Variants in PCDHA7 observed in about 807,000 individuals in gnomAD.
The protein encoded by PCDHA7 is protocadherin alpha-7.
PCDHA7 carries 37 observed loss-of-function variants against 57.2 expected under a neutral mutation model. That is an observed-to-expected ratio of 0.65 (90% CI 0.50 to 0.85). PCDHA7 has a LOEUF of 0.85. PCDHA7 is among the 40% of genes least tolerant of loss of function. The probability of loss-of-function intolerance (pLI) is 0.00; values close to 1 mark genes in which losing one functional copy is unlikely to be tolerated. For synonymous variants in PCDHA7, 553 were observed against 558.8 expected (o/e 0.99, Z 0.15); for missense variants, 1,188 against 1,241.8 (o/e 0.96, Z 0.65).
At chr5:140,844,546 A>G (rs1268882110) in intron 1 of PCDHA7, among the ~76,000 whole-genome samples, 2 of 149,518 alleles carry the variant, frequency 1.3e-5, no homozygotes, top group Non-Finnish European at 3.0e-5. Context: ...CCCTTTGTTC[A>G]TGAGTTGGAA....
intron 1 of PCDHA7, chr5:140,871,578 G>A (rs1554165764): frequency 6.8e-7 from 1 of 1,474,340 alleles, no homozygotes; most frequent in Admixed American, 2.6e-5. Context: ...TTTTTTAAGG[G>A]AAAGTTTTAT....
intron 1 of PCDHA7, among the ~76,000 whole-genome samples, chr5:140,961,121 T>A (rs551567804): frequency 6.6e-6 from 1 of 152,330 alleles, no homozygotes; most frequent in African/African-American, 2.4e-5. Context: ...TGCATCTTAA[T>A]GTCTTGGCAC....
Position 140,849,731 on chromosome 5 carries a change from T to C in PCDHA7, c.2355+12993T>C, listed in dbSNP as rs2150447251. 21,072 of 1,598,236 alleles carry C rather than the reference T, an allele frequency of 0.013. 2,656 individuals are homozygous for C. In the African/African-American group the frequency reaches 0.2, roughly 15 times the overall value. ...ACTACTCGTTGGTGCTGGACAGAGC[T>C]CTGGACCGCGAGAGTGTGTCCGCCT... is the stretch of plus-strand genomic sequence containing the variant. On this transcript the variant is annotated intron_variant, in intron 1 of 3. Transcript: ENST00000525929.
At chr5:140,929,207 G>A (rs782298445) in intron 1 of PCDHA7, 6 of 1,614,104 alleles carry the variant, frequency 3.7e-6, no homozygotes, top group East Asian at 2.2e-5. Flanking sequence ...TTGCTGTTGC[G>A]TGGGGAGTAC....
At chr5:140,982,688 ATACATACATGATTTCCT>A in intron 3 of PCDHA7, 125 bp downstream of exon 3, 1 of 1,415,764 alleles carries the variant, frequency 7.1e-7, no homozygotes, top group African/African-American at 1.4e-5. Flanking sequence ...CCTTTTTTCC[ATACATACATGATTTCCT>A]TACATATATG....
chr5:141,002,673 C>T (rs2098090242), intron 3 of PCDHA7, among the ~76,000 whole-genome samples: 3 of 152,180 alleles, frequency 2.0e-5, no homozygotes, highest in Admixed American at 2.0e-4. Context: ...GGACCAAAAC[C>T]TATACGACGT....
At chr5:140,857,314 G>C in intron 1 of PCDHA7, 1 of 1,598,746 alleles carries the variant, frequency 6.3e-7, no homozygotes, top group Non-Finnish European at 8.6e-7. Flanking sequence ...CCTATGAGCT[G>C]GTGGTGACCG....
chr5:140,869,602 C>T (rs2051279273), intron 1 of PCDHA7: 2 of 1,613,922 alleles, frequency 1.2e-6, no homozygotes, highest in Non-Finnish European at 8.5e-7. Flanking sequence ...AGAGAATGCT[C>T]TATTGACCTA....
intron 1 of PCDHA7, among the ~76,000 whole-genome samples, chr5:140,915,667 G>A (rs2077246554): frequency 1.3e-5 from 2 of 149,888 alleles, no homozygotes; most frequent in Admixed American, 1.3e-4. Flanking sequence ...AAGGTGCTGG[G>A]CCATCTTGAA....
chr5:140,969,907 G>A (rs2096367708), intron 1 of PCDHA7, among the ~76,000 whole-genome samples: 1 of 152,204 alleles, frequency 6.6e-6, no homozygotes, highest in Non-Finnish European at 1.5e-5. Context: ...CATGTCACAA[G>A]TGATAAAGCT....
At chr5:140,899,512 G>T (rs4386771) in intron 1 of PCDHA7, among the ~76,000 whole-genome samples, 1 of 152,040 alleles carries the variant, frequency 6.6e-6, no homozygotes, top group African/African-American at 2.4e-5. Flanking sequence ...TGCATATATT[G>T]CATCCCAGGG....
At chr5:140,880,496 A>G (rs965874952) in intron 1 of PCDHA7, among the ~76,000 whole-genome samples, 4 of 152,206 alleles carry the variant, frequency 2.6e-5, no homozygotes, top group African/African-American at 4.8e-5. Flanking sequence ...AGAGCAATTG[A>G]ATTTCTGTTT....
chr5:140,849,825 G>A, intron 1 of PCDHA7: 1 of 1,598,526 alleles, frequency 6.3e-7, no homozygotes, highest in Non-Finnish European at 8.6e-7. Context: ...GGTGTCTGTG[G>A]AGGTGGCCGA....
chr5:140,856,074 G>A, intron 1 of PCDHA7: 1 of 1,592,254 alleles, frequency 6.3e-7, no homozygotes, highest in Non-Finnish European at 8.6e-7. Context: ...AGCTGCCTGG[G>A]GGTCCAGTGT....
intron 1 of PCDHA7, among the ~76,000 whole-genome samples, chr5:140,941,214 CCTTT>C (rs60032403): frequency 6.5e-5 from 8 of 122,492 alleles, no homozygotes; most frequent in Non-Finnish European, 1.2e-4. Context: ...TTTCTTTCTT[CCTTT>C]CTTTCTTTCT....
chr5:140,883,625 C>G (rs1446947181), intron 1 of PCDHA7: 9 of 1,613,872 alleles, frequency 5.6e-6, no homozygotes, highest in Non-Finnish European at 6.8e-6. Context: ...CGACAACGCG[C>G]CGGCGTTCGC....
Position 140,836,744 on chromosome 5 carries a change from T to A in PCDHA7, c.2355+6T>A. The A allele has an allele frequency of 6.3e-7, 1 of 1,588,470 alleles. No individual in the cohort carries two copies. The highest frequency in any genetic ancestry group is 8.5e-7 in the Non-Finnish European group (1 of 1,169,712). On this transcript the variant is annotated splice_donor_region_variant and intron_variant, in intron 1 of 3. Coordinates refer to ENST00000525929, the MANE Select transcript of PCDHA7 (RefSeq NM_018910.3). ...GTCCATCCTCTACAGACAATGTGAGTCATAAATAATCTTGTTTCCAACAAT... is the reference window on the plus strand; with the variant it reads ...GTCCATCCTCTACAGACAATGTGAGACATAAATAATCTTGTTTCCAACAAT...
intron 3 of PCDHA7, among the ~76,000 whole-genome samples, chr5:140,996,915 A>G (rs1167259941): frequency 6.6e-6 from 1 of 152,244 alleles, no homozygotes; most frequent in Non-Finnish European, 1.5e-5. Flanking sequence ...TGAAGTAAAT[A>G]TTAAAAAATA....
chr5:140,897,548 A>G (rs1417180451), intron 1 of PCDHA7, among the ~76,000 whole-genome samples: 6 of 152,098 alleles, frequency 3.9e-5, no homozygotes, highest in Admixed American at 2.6e-4. Context: ...ATAGTCTTCC[A>G]TGGTGTATAT....
Sources: gnomAD v4.1 joint callset for allele counts (sites outside exome capture counted in the v4.1 genomes callset) on GRCh38, gnomAD v4.1.1 for gene constraint, MANE v1.5 for transcripts, NCBI Gene and HGNC (gene_info 2026-07-23, HGNC 2026-07-21) for gene names.